Variants in NHSL2 observed in about 807,000 individuals in gnomAD.
The protein encoded by NHSL2 is NHS-like protein 2.
In NHSL2, 27 loss-of-function variants were observed where a neutral mutation model predicts 53.4. That is an observed-to-expected ratio of 0.51 (90% confidence interval 0.37 to 0.70). The LOEUF is 0.70. NHSL2 is among the 30% of genes least tolerant of loss of function. The pLI is 0.00. For missense variants in NHSL2, 892 were observed against 980.1 expected, an observed-to-expected ratio of 0.91 and a Z score of 1.20; for synonymous variants, 408 against 404.1, an observed-to-expected ratio of 1.01 and a Z score of -0.12.
intron 1 of NHSL2, among the ~76,000 whole-genome samples, chrX:72,042,088 G>A (rs111484906): frequency 9.8e-5 from 11 of 112,527 alleles, no homozygotes; most frequent in Non-Finnish European, 1.9e-4. Flanking sequence ...GGCCTACAGT[G>A]GAGACTGGAA....
chrX:71,926,510 C>T (rs977423791), intron 1 of NHSL2, among the ~76,000 whole-genome samples: 3 of 110,621 alleles, frequency 2.7e-5, no homozygotes, highest in African/African-American at 6.6e-5. Context: ...TGTGTGTGCA[C>T]ACACACTCAA....
At position 72,142,377 on chromosome X, in the gene NHSL2, T is replaced by G. The variant is rs1278740755; in HGVS notation, c.3356+13T>G. 3.6e-6 allele frequency: 4 copies of G among 1,106,867 alleles called. No homozygotes were observed. Among genetic ancestry groups the G allele is most frequent in the Non-Finnish European group, 4.8e-6 (4 of 833,160 alleles). The allele number at this position is 1,106,867 out of a possible 1,213,427, so 91.2% of individuals were successfully genotyped here. On this transcript the variant is annotated intron_variant, in intron 7 of 7. Coordinates refer to ENST00000633930, the MANE Select transcript of NHSL2 (RefSeq NM_001013627.3). ...CTGTGATACACAGGTCTGCACCAAT[T>G]TCCTTAATTCTAATTGCAATTGCCT...
At chrX:72,126,573 G>GAA (rs35529228) in intron 1 of NHSL2, among the ~76,000 whole-genome samples, 41 of 102,558 alleles carry the variant, frequency 4.0e-4, no homozygotes, top group Non-Finnish European at 3.8e-4. Flanking sequence ...ACTTCCCCTG[G>GAA]AAAAAAAAAA....
At chrX:71,929,792 T>C (rs930420118) in intron 1 of NHSL2, among the ~76,000 whole-genome samples, 7 of 110,587 alleles carry the variant, frequency 6.3e-5, no homozygotes, top group African/African-American at 2.0e-4. Flanking sequence ...TCTTGCTCTG[T>C]TGCCCAGGCT....
chrX:72,070,376 G>C (rs901651025), intron 1 of NHSL2, among the ~76,000 whole-genome samples: 7 of 110,653 alleles, frequency 6.3e-5, no homozygotes, highest in Non-Finnish European at 1.3e-4. Flanking sequence ...CCTACCTCTG[G>C]GTGTGCTCTG....
At chrX:72,119,605 C>T (rs2042166634) in intron 1 of NHSL2, among the ~76,000 whole-genome samples, 1 of 112,379 alleles carries the variant, frequency 8.9e-6, no homozygotes, top group South Asian at 3.6e-4. Context: ...ATTTCATGGC[C>T]TTGCAACCAT....
chrX:71,969,401 C>T (rs1247529543), intron 1 of NHSL2, among the ~76,000 whole-genome samples: 4 of 107,571 alleles, frequency 3.7e-5, no homozygotes, highest in Non-Finnish European at 7.7e-5. Flanking sequence ...CAACCTCCAC[C>T]GCCTGGGTTC....
chrX:72,137,089 T>C lies in NHSL2; in HGVS notation c.761-5T>C, dbSNP rs1368551368. On this transcript the variant is annotated splice_region_variant and splice_polypyrimidine_tract_variant and intron_variant, in intron 4 of 7. Coordinates refer to ENST00000633930, the MANE Select transcript of NHSL2 (RefSeq NM_001013627.3). ...TGCACCCAAGTGTCTTTATTTTGGCTACAGGGCAGCAGTTTGATAAACATG... is the reference window on the plus strand; with the variant it reads ...TGCACCCAAGTGTCTTTATTTTGGCCACAGGGCAGCAGTTTGATAAACATG... 8.6e-7 allele frequency: 1 copy of C among 1,164,143 alleles called. No individual in the cohort carries two copies. Among genetic ancestry groups the C allele is most frequent in the East Asian group, 3.3e-5 (1 of 30,621 alleles).
intron 1 of NHSL2, among the ~76,000 whole-genome samples, chrX:72,099,664 G>A (rs1017298374): frequency 6.3e-5 from 7 of 110,557 alleles, no homozygotes; most frequent in Admixed American, 2.9e-4. Flanking sequence ...CCGCCACGCC[G>A]GCCACCAGTA....
chrX:72,119,057 C>T (rs2042162057), intron 1 of NHSL2, among the ~76,000 whole-genome samples: 1 of 111,635 alleles, frequency 9.0e-6, no homozygotes, highest in African/African-American at 3.3e-5. Context: ...GAATTGGCAC[C>T]CTTGTCAAAA....
chrX:72,131,062 G>C, intron 1 of NHSL2: 1 of 1,210,567 alleles, frequency 8.3e-7, no homozygotes, highest in Non-Finnish European at 1.1e-6. Flanking sequence ...CAGGTAGACT[G>C]GGTCTCCTGA....
intron 1 of NHSL2, among the ~76,000 whole-genome samples, chrX:72,097,085 T>G (rs1008564783): frequency 5.3e-5 from 6 of 112,424 alleles, no homozygotes; most frequent in Non-Finnish European, 1.1e-4. Context: ...ACCATTAACT[T>G]AGGATGCTGA....
At chrX:72,085,350 A>G (rs1170053222) in intron 1 of NHSL2, among the ~76,000 whole-genome samples, 1 of 112,362 alleles carries the variant, frequency 8.9e-6, no homozygotes, top group Admixed American at 9.4e-5. Flanking sequence ...GTAGGTTTTT[A>G]CCTTTATTTT....
At chrX:72,017,367 C>T (rs1056236812) in intron 1 of NHSL2, among the ~76,000 whole-genome samples, 3 of 112,939 alleles carry the variant, frequency 2.7e-5, no homozygotes, top group African/African-American at 9.6e-5. Context: ...ATGTTGCCAG[C>T]TGGCAGCAGG....
At chrX:72,039,073 T>G (rs949752558) in intron 1 of NHSL2, among the ~76,000 whole-genome samples, 4 of 29,429 alleles carry the variant, frequency 1.4e-4, no homozygotes, top group Admixed American at 3.7e-4. Context: ...TTTCTTTTCC[T>G]TTCCTTTCCT....
At chrX:72,085,625 G>A (rs1219598452) in intron 1 of NHSL2, among the ~76,000 whole-genome samples, 1 of 110,739 alleles carries the variant, frequency 9.0e-6, no homozygotes, top group Non-Finnish European at 1.9e-5. Context: ...AAACTTTCTT[G>A]GTTTGAAACA....
At chrX:71,941,791 G>A (rs2041767039) in intron 1 of NHSL2, among the ~76,000 whole-genome samples, 2 of 112,102 alleles carry the variant, frequency 1.8e-5, no homozygotes, top group South Asian at 3.7e-4. Context: ...AATAAACACA[G>A]TCTTCTTTCC....
intron 1 of NHSL2, among the ~76,000 whole-genome samples, chrX:71,969,890 T>C (rs2041918166): frequency 8.9e-6 from 1 of 111,978 alleles, no homozygotes; most frequent in African/African-American, 3.2e-5. Context: ...CCATTAAGTA[T>C]GGTATTGGCT....
intron 1 of NHSL2, among the ~76,000 whole-genome samples, chrX:72,038,167 G>A (rs1056799351): frequency 9.0e-6 from 1 of 111,487 alleles, no homozygotes; most frequent in Non-Finnish European, 1.9e-5. Context: ...AGCAGAATAA[G>A]TTGCAAGTGG....
Sources: allele counts gnomAD v4.1 joint callset (sites outside exome capture counted in the v4.1 genomes callset), GRCh38; gene constraint gnomAD v4.1.1; transcripts MANE v1.5; gene names NCBI Gene and HGNC (gene_info 2026-07-23, HGNC 2026-07-21).